Variants in CYTH3 observed in about 807,000 individuals in gnomAD.
CYTH3 encodes cytohesin-3.
In CYTH3, 23 loss-of-function variants were observed where a neutral mutation model predicts 55.1. The observed-to-expected ratio is 0.42, with a 90% CI of 0.30 to 0.59. CYTH3 has a LOEUF of 0.59. Among genes scored for constraint, CYTH3 ranks in the 20% least tolerant of loss-of-function variants. The pLI, the probability that CYTH3 is intolerant of heterozygous loss-of-function variation, is 0.20. For missense variants in CYTH3, 413 were observed against 524.8 expected (o/e 0.79, Z 2.08); for synonymous variants, 249 against 194.9 (o/e 1.28, Z -2.31).
chr7:6,235,472 CAA>C (rs57661153), intron 1 of CYTH3, among the ~76,000 whole-genome samples: 36 of 93,566 alleles, frequency 3.8e-4, no homozygotes, highest in African/African-American at 5.3e-4. Flanking sequence ...GACTCTATCT[CAA>C]AAAAAAAAAA....
rs1783136710 is a variant in CYTH3, at chr7:6,170,307, T to A, written c.823+228A>T. 9.2e-6 allele frequency: 5 copies of A among 545,176 alleles called. No individual in the cohort carries two copies. The highest frequency in any genetic ancestry group is 1.3e-5 in the Non-Finnish European group (4 of 309,780). 33.8% of individuals were successfully genotyped at this position (545,176 alleles called of 1,614,324 possible). A position where few individuals can be genotyped will look rare whatever the true frequency, so the allele number is the denominator to read the frequency against. On this transcript the variant is annotated intron_variant, in intron 9 of 12. Coordinates refer to ENST00000350796, the MANE Select transcript of CYTH3 (RefSeq NM_004227.4). This position sits in a 1 kb window ranked among gnomAD's most constrained non-coding sequence, Gnocchi z 7.8. ...CTCAGCAGTTTTCTGGGACGGGCCGTGCAGCCTGGGCGCTACTCTCTGCCG... is the reference window on the plus strand; with the variant it reads ...CTCAGCAGTTTTCTGGGACGGGCCGAGCAGCCTGGGCGCTACTCTCTGCCG...
intron 1 of CYTH3, among the ~76,000 whole-genome samples, chr7:6,246,177 C>A (rs933385608): frequency 6.6e-6 from 1 of 151,858 alleles, no homozygotes; most frequent in African/African-American, 2.4e-5. Context: ...AACTCTTGAG[C>A]TCAAGTAATC....
chr7:6,237,687 C>T lies in CYTH3; in HGVS notation c.34+34787G>A, dbSNP rs534308655. On this transcript the variant is annotated intron_variant, in intron 1 of 12. Coordinates refer to ENST00000350796, the MANE Select transcript of CYTH3 (RefSeq NM_004227.4). Reference sequence around the variant, plus strand: ...TCGCGCCACTGCACTCCAGCCTGGGCGACAGAGCAAGACTCTATCTAAAAA... The same window carrying T: ...TCGCGCCACTGCACTCCAGCCTGGGTGACAGAGCAAGACTCTATCTAAAAA... 8.6e-5 allele frequency among the ~76,000 whole-genome samples: 13 copies of T among 152,010 alleles called. No homozygotes were observed. The East Asian group carries it at 1.9e-3, about 23-fold the overall frequency.
intron 1 of CYTH3, among the ~76,000 whole-genome samples, chr7:6,245,765 A>G (rs1237502667): frequency 6.6e-6 from 1 of 152,204 alleles, no homozygotes; most frequent in African/African-American, 2.4e-5. Flanking sequence ...GTAGCCAGCC[A>G]TGGTAGTGCA....
chr7:6,201,936 C>G (rs539659556), intron 1 of CYTH3, among the ~76,000 whole-genome samples: 1 of 152,236 alleles, frequency 6.6e-6, no homozygotes, highest in East Asian at 1.9e-4. Context: ...CACAGAACAA[C>G]TGTTAGAAAT....
intron 1 of CYTH3, among the ~76,000 whole-genome samples, chr7:6,213,965 G>C (rs372340266): frequency 2.0e-5 from 3 of 152,142 alleles, no homozygotes; most frequent in Non-Finnish European, 2.9e-5. Context: ...AAGGCTCATG[G>C]AGTGCAGGGA....
At chr7:6,228,687 G>C (rs59137079) in intron 1 of CYTH3, among the ~76,000 whole-genome samples, 1 of 152,144 alleles carries the variant, frequency 6.6e-6, no homozygotes, top group African/African-American at 2.4e-5. Flanking sequence ...TCTGAGCAGG[G>C]TCCTCCCACA....
chr7:6,261,827 A>G (rs1780361660), intron 1 of CYTH3, among the ~76,000 whole-genome samples: 1 of 152,158 alleles, frequency 6.6e-6, no homozygotes. Context: ...CCAGAATTTA[A>G]TTAAAGCTCA....
At chr7:6,175,248 G>C (rs750068500) in intron 5 of CYTH3, among the ~76,000 whole-genome samples, 45 of 152,122 alleles carry the variant, frequency 3.0e-4, no homozygotes, top group Non-Finnish European at 5.9e-4. Flanking sequence ...AGTGGGGAAG[G>C]AACCAAGGAA....
intron 1 of CYTH3, among the ~76,000 whole-genome samples, chr7:6,234,995 G>A (rs535393972): frequency 6.6e-6 from 1 of 152,264 alleles, no homozygotes; most frequent in South Asian, 2.1e-4. Flanking sequence ...CCTTGCATCT[G>A]GTCCTAAATG....
chr7:6,230,463 G>A (rs1583181006), intron 1 of CYTH3, among the ~76,000 whole-genome samples: 1 of 152,144 alleles, frequency 6.6e-6, no homozygotes, highest in South Asian at 2.1e-4. Flanking sequence ...TAAAAACCTG[G>A]AATCCTAATT....
In CYTH3 at chr7:6,170,887, G is replaced by C. The variant is rs759445103; in HGVS notation, c.654C>G (p.Phe218Leu). The C allele has an allele frequency of 6.2e-7, 1 of 1,613,818 alleles. No homozygotes were observed. Among genetic ancestry groups the C allele is most frequent in the South Asian group, 1.1e-5 (1 of 91,058 alleles). The change falls in exon 8 of 13, where the codon TTC becomes TTG. Residue 218 changes from phenylalanine to leucine, a missense_variant. This residue lies in a region of CYTH3 where 156 missense variants were observed against 233.1 expected (regional missense o/e 0.67). Transcript: ENST00000350796. The surrounding 1 kb of genome is among the most constrained non-coding windows in gnomAD (Gnocchi z 7.8). ...CGTTGATGCCGCGGTTCATGGCGAT[G>C]AACCGTTCTGCCGTGGGCTTGTCAC... ...NVRDKPTAER[F>L]IAMNRGINEG...
intron 1 of CYTH3, among the ~76,000 whole-genome samples, chr7:6,209,931 A>T (rs537274309): frequency 1.3e-5 from 2 of 152,330 alleles, no homozygotes; most frequent in South Asian, 2.1e-4. Flanking sequence ...CAACAGAAGG[A>T]TCAGTGGTTG....
intron 1 of CYTH3, among the ~76,000 whole-genome samples, chr7:6,236,364 CTTTTTTTT>C (rs34013002): frequency 8.2e-6 from 1 of 122,316 alleles, no homozygotes; most frequent in Non-Finnish European, 1.7e-5. Context: ...CTACGCCTGA[CTTTTTTTT>C]TTTTTTTTTT....
At chr7:6,232,581 A>G (rs1173100884) in intron 1 of CYTH3, among the ~76,000 whole-genome samples, 1 of 152,152 alleles carries the variant, frequency 6.6e-6, no homozygotes, top group African/African-American at 2.4e-5. Flanking sequence ...CAGACCAAAA[A>G]GAGTGTGACA....
intron 1 of CYTH3, among the ~76,000 whole-genome samples, chr7:6,271,020 G>A (rs1235318424): frequency 2.0e-5 from 3 of 152,132 alleles, no homozygotes; most frequent in Non-Finnish European, 2.9e-5. Context: ...TTTCTAACAA[G>A]GGAAAACAGC....
chr7:6,194,988 A>C (rs1338496082), intron 1 of CYTH3, among the ~76,000 whole-genome samples: 2 of 152,112 alleles, frequency 1.3e-5, no homozygotes, highest in African/African-American at 4.8e-5. Flanking sequence ...AAAATAAATA[A>C]ATAAATAATT....
chr7:6,213,733 G>A (rs1784370445), intron 1 of CYTH3, among the ~76,000 whole-genome samples: 1 of 151,792 alleles, frequency 6.6e-6, no homozygotes, highest in Admixed American at 6.6e-5. Flanking sequence ...CACTTTCCTA[G>A]ATTCCTCAGT....
rs767124460 is a variant in CYTH3 at position 6,170,785 on chromosome 7, G to A, written c.711+45C>T. On this transcript the variant is annotated intron_variant, in intron 8 of 12. Transcript: ENST00000350796. The surrounding 1 kb of genome is among the most constrained non-coding windows in gnomAD (Gnocchi z 7.8). Reference sequence around the variant, plus strand: ...CGCGGGCGCTGCGGCCGCTCACAGCGAAGAGATCCTGCAGACGGCAGCGGC... The same window carrying A: ...CGCGGGCGCTGCGGCCGCTCACAGCAAAGAGATCCTGCAGACGGCAGCGGC... 1.0e-5 allele frequency: 16 copies of A among 1,591,188 alleles called. No homozygotes were observed. The African/African-American group carries it at 1.6e-4, about 16-fold the overall frequency.
Sources: gnomAD v4.1 joint callset for allele counts (sites outside exome capture counted in the v4.1 genomes callset) on GRCh38, gnomAD v4.1.1 for gene constraint, gnomAD v4.1.1 regional missense constraint, Gnocchi (gnomAD v3.1) non-coding constraint, MANE v1.5 for transcripts, NCBI Gene and HGNC (gene_info 2026-07-23, HGNC 2026-07-21) for gene names.